The following CIMAP3 variants were observed in gnomAD, a reference collection of about 807,000 sequenced individuals.
The protein encoded by CIMAP3 is ciliary microtubule-associated protein 3.
At chr1:111,324,824 G>T in the CIMAP3 span, 35 of 985,118 alleles carry the variant, frequency 3.6e-5, no homozygotes, top group Non-Finnish European at 4.1e-5. Flanking sequence ...TCTCTACCTG[G>T]GAGCTTGAGA....
the CIMAP3 span, among the ~76,000 whole-genome samples, chr1:111,334,009 CT>C: frequency 6.6e-6 from 1 of 152,258 alleles, no homozygotes; most frequent in East Asian, 1.9e-4. Flanking sequence ...ATGATTTTTA[CT>C]TTCATTAATA....
At chr1:111,347,618 C>CTTTTTTTTTTTTTTTTTTTTGTG in the CIMAP3 span, 1 of 928,432 alleles carries the variant, frequency 1.1e-6, no homozygotes, top group Non-Finnish European at 1.6e-6. Context: ...GTTGTTTTTT[C>CTTTTTTTTTTTTTTTTTTTTGTG]TTTCTTTTTT....
At chr1:111,327,071 C>G in the CIMAP3 span, among the ~76,000 whole-genome samples, 1 of 152,188 alleles carries the variant, frequency 6.6e-6, no homozygotes, top group Admixed American at 6.5e-5. Flanking sequence ...GCCTCATTTG[C>G]TGCACAGAAG....
chr1:111,343,326 G>A, the CIMAP3 span, among the ~76,000 whole-genome samples: 1 of 152,066 alleles, frequency 6.6e-6, no homozygotes, highest in Non-Finnish European at 1.5e-5. Flanking sequence ...TTGCAACAGA[G>A]CAAGTAATTC....
chr1:111,333,441 G>T, the CIMAP3 span, among the ~76,000 whole-genome samples: 2 of 152,174 alleles, frequency 1.3e-5, no homozygotes, highest in African/African-American at 4.8e-5. Context: ...GGCTGATAGA[G>T]GGGTGAGGTG....
chr1:111,348,433 T>G, the CIMAP3 span: 2 of 1,311,870 alleles, frequency 1.5e-6, no homozygotes, highest in Non-Finnish European at 2.0e-6. Context: ...AAGAGGATGA[T>G]TCTGTTTTTT....
At chr1:111,335,703 G>A in the CIMAP3 span, among the ~76,000 whole-genome samples, 5 of 152,362 alleles carry the variant, frequency 3.3e-5, no homozygotes, top group Admixed American at 2.6e-4. Context: ...CCGGAAGCTC[G>A]AACTGGGTGG....
At chr1:111,346,945 C>A in the CIMAP3 span, 1 of 1,613,928 alleles carries the variant, frequency 6.2e-7, no homozygotes. Flanking sequence ...AACATGTCAA[C>A]AGAGGAAACT....
At chr1:111,335,115 G>A in the CIMAP3 span, among the ~76,000 whole-genome samples, 1 of 108,600 alleles carries the variant, frequency 9.2e-6, no homozygotes, top group South Asian at 3.6e-4. Context: ...GTTACAGAGT[G>A]AGTCTCTGTC....
chr1:111,349,954 A>T, the CIMAP3 span: 1 of 595,516 alleles, frequency 1.7e-6, no homozygotes. Context: ...ATACATTAAC[A>T]GGTAAAGGAA....
At chr1:111,347,622 C>CTTTTTTTTTTTTTTTTTTGT in the CIMAP3 span, 1 of 809,740 alleles carries the variant, frequency 1.2e-6, no homozygotes, top group South Asian at 2.1e-5. Flanking sequence ...TTTTTTCTTT[C>CTTTTTTTTTTTTTTTTTTGT]TTTTTTTTTT....
the CIMAP3 span, among the ~76,000 whole-genome samples, chr1:111,339,228 A>C: frequency 6.6e-6 from 1 of 151,670 alleles, no homozygotes; most frequent in Non-Finnish European, 1.5e-5. Context: ...GCTATCTATG[A>C]CAAACCCACA....
chr1:111,342,588 C>T, the CIMAP3 span, among the ~76,000 whole-genome samples: 1 of 152,182 alleles, frequency 6.6e-6, no homozygotes, highest in Admixed American at 6.5e-5. Context: ...TCTCCTTTAG[C>T]TGAGTTACAG....
chr1:111,344,921 T>C, the CIMAP3 span, among the ~76,000 whole-genome samples: 4 of 152,314 alleles, frequency 2.6e-5, no homozygotes, highest in Non-Finnish European at 2.9e-5. Flanking sequence ...TTTTAAACCA[T>C]AGTTTTACTG....
At chr1:111,348,208 C>T in the CIMAP3 span, 4 of 253,284 alleles carry the variant, frequency 1.6e-5, no homozygotes, top group Admixed American at 4.8e-5. Flanking sequence ...GCTTAGGGAG[C>T]AGAGATACTA....
chr1:111,337,127 C>G, the CIMAP3 span, among the ~76,000 whole-genome samples: 1 of 152,042 alleles, frequency 6.6e-6, no homozygotes, highest in African/African-American at 2.4e-5. Flanking sequence ...AAATAAAATC[C>G]TTTACAGACA....
chr1:111,329,659 A>T, the CIMAP3 span, among the ~76,000 whole-genome samples: 1 of 150,600 alleles, frequency 6.6e-6, no homozygotes, highest in Non-Finnish European at 1.5e-5. Flanking sequence ...GGTTCAAGTG[A>T]TTCTCCTGCC....
chr1:111,346,610 C>A, the CIMAP3 span: 1 of 1,613,486 alleles, frequency 6.2e-7, no homozygotes, highest in Non-Finnish European at 8.5e-7. Flanking sequence ...GCCTTCGTTT[C>A]CTTGGCAACG....
the CIMAP3 span, chr1:111,346,894 C>G: frequency 6.2e-7 from 1 of 1,612,680 alleles, no homozygotes; most frequent in Non-Finnish European, 8.5e-7. Context: ...CGTGGAGCCT[C>G]TCCTCTTTAT....
Sources: gnomAD v4.1 joint callset for allele counts (sites outside exome capture counted in the v4.1 genomes callset) on GRCh38, gnomAD v4.1.1 for gene constraint, MANE v1.5 for transcripts, NCBI Gene and HGNC (gene_info 2026-07-23, HGNC 2026-07-21) for gene names.